PAX5: variants seen among roughly 807,000 people sequenced by gnomAD.
The protein encoded by PAX5 is paired box 5, also known as paired box protein Pax-5.
A neutral mutation model predicts 43.7 loss-of-function variants in PAX5; 9 were observed. The ratio of observed to expected loss-of-function variants is 0.21; its 90% CI spans 0.12 to 0.36. The LOEUF (loss-of-function observed/expected upper bound fraction) is 0.36. PAX5 is among the 10% of genes least tolerant of loss of function. PAX5 has a pLI of 1.00. For synonymous variants in PAX5, 228 were observed against 214.3 expected, an observed-to-expected ratio of 1.06 and a Z score of -0.56; for missense variants, 383 against 532.7, an observed-to-expected ratio of 0.72 and a Z score of 2.77.
At chr9:37,017,248 C>A (rs948338007) in intron 2 of PAX5, among the ~76,000 whole-genome samples, 1 of 152,126 alleles carries the variant, frequency 6.6e-6, no homozygotes. Flanking sequence ...TTATCTTGAT[C>A]CTCACACTAA....
At chr9:36,873,110 C>A (rs1204173786) in intron 8 of PAX5, among the ~76,000 whole-genome samples, 1 of 152,256 alleles carries the variant, frequency 6.6e-6, no homozygotes, top group African/African-American at 2.4e-5. Context: ...AAATGACCTC[C>A]TTTGAGAAGT....
At chr9:36,943,538 A>T (rs920050189) in intron 6 of PAX5, among the ~76,000 whole-genome samples, 19 of 151,674 alleles carry the variant, frequency 1.3e-4, no homozygotes, top group Non-Finnish European at 2.1e-4. Flanking sequence ...ATACACACAC[A>T]CACACACACA....
chr9:36,918,893 G>A (rs1829921970), intron 7 of PAX5, among the ~76,000 whole-genome samples: 2 of 152,198 alleles, frequency 1.3e-5, no homozygotes, highest in African/African-American at 4.8e-5. Flanking sequence ...TAGAAGCTAA[G>A]ATCAAGCTAA....
intron 6 of PAX5, among the ~76,000 whole-genome samples, chr9:36,950,474 A>T (rs1588060363): frequency 6.6e-6 from 1 of 151,284 alleles, no homozygotes; most frequent in South Asian, 2.1e-4. Flanking sequence ...GACACTTGAA[A>T]CCCCTCCTCA....
At chr9:36,972,360 C>T (rs1478533585) in intron 5 of PAX5, among the ~76,000 whole-genome samples, 1 of 152,216 alleles carries the variant, frequency 6.6e-6, no homozygotes, top group Non-Finnish European at 1.5e-5. Context: ...GCTGTGTGGG[C>T]CCAGGCAAGT....
intron 6 of PAX5, among the ~76,000 whole-genome samples, chr9:36,944,074 C>T (rs192615766): frequency 4.4e-4 from 67 of 152,250 alleles, no homozygotes; most frequent in African/African-American, 1.6e-3. Context: ...GTCCCACCTG[C>T]TCAGAAGGCT....
intron 6 of PAX5, among the ~76,000 whole-genome samples, chr9:36,929,430 C>T (rs1016754428): frequency 3.9e-5 from 6 of 152,176 alleles, no homozygotes; most frequent in African/African-American, 1.4e-4. Context: ...TGCAGAGGTA[C>T]ACACGCAGTC....
At chr9:36,965,259 G>C (rs1040407916) in intron 6 of PAX5, among the ~76,000 whole-genome samples, 3 of 152,190 alleles carry the variant, frequency 2.0e-5, no homozygotes, top group African/African-American at 7.2e-5. Flanking sequence ...TCTTCCACAA[G>C]TCTGTAGGCT....
chr9:36,926,863 T>C (rs1830682069), intron 6 of PAX5, among the ~76,000 whole-genome samples: 1 of 152,130 alleles, frequency 6.6e-6, no homozygotes, highest in African/African-American at 2.4e-5. Context: ...AGAAGACACA[T>C]TGGCCCAGAA....
At chr9:37,019,844 C>T (rs1335975066) in intron 2 of PAX5, among the ~76,000 whole-genome samples, 1 of 152,160 alleles carries the variant, frequency 6.6e-6, no homozygotes, top group Non-Finnish European at 1.5e-5. Context: ...GTCTAGGGGT[C>T]CTTTAGGCGT....
chr9:36,956,446 G>C (rs887432688), intron 6 of PAX5, among the ~76,000 whole-genome samples: 1 of 152,186 alleles, frequency 6.6e-6, no homozygotes, highest in Non-Finnish European at 1.5e-5. Context: ...GTTAGAGCTA[G>C]AATGGATCTC....
intron 2 of PAX5, among the ~76,000 whole-genome samples, chr9:37,019,852 C>T (rs569197037): frequency 2.8e-4 from 43 of 152,226 alleles, no homozygotes; most frequent in South Asian, 1.7e-3. Context: ...GTCCTTTAGG[C>T]GTCATTGCAA....
intron 6 of PAX5, among the ~76,000 whole-genome samples, chr9:36,933,840 G>A (rs1831326040): frequency 6.6e-6 from 1 of 152,200 alleles, no homozygotes; most frequent in Admixed American, 6.5e-5. Context: ...GGACTCCCAT[G>A]CAACCAGGGC....
rs1464220458 is a variant in PAX5, at chr9:36,923,463, C to T, written c.802G>A (p.Ala268Thr). 1 of 1,611,496 alleles carries T rather than the reference C, an allele frequency of 6.2e-7. No individual in the cohort carries two copies. ...TCGTCCAGCCCACCAGCCAGCGAGG[C>T]CATGGCTGAATACTCTGTGGTCTGA... ...PEQTTEYSAM[A>T]SLAGGLDDMK... is the part of the protein sequence containing the mutation. The change falls in exon 7 of 10, where the codon GCC (alanine) becomes ACC (threonine). Residue 268 changes from alanine to threonine, a missense_variant. Physicochemically the swap from Ala to Thr is moderately conservative, Grantham distance 58. Coordinates refer to ENST00000358127, the MANE Select transcript of PAX5 (RefSeq NM_016734.3).
Position 36,882,236 on chromosome 9 carries a change from C to T in PAX5, c.911-131G>A, listed in dbSNP as rs79473240. The T allele has an allele frequency of 4.7e-6, 3 of 643,274 alleles. No homozygotes were observed. The highest frequency in any genetic ancestry group is 3.9e-5 in the South Asian group (2 of 51,486). The allele number at this position is 643,274 out of a possible 1,614,324, so 39.8% of individuals were successfully genotyped here. On this transcript the variant is annotated intron_variant, in intron 7 of 9. Coordinates refer to ENST00000358127, the MANE Select transcript of PAX5 (RefSeq NM_016734.3). This position sits in a 1 kb window ranked among gnomAD's most constrained non-coding sequence, Gnocchi z 4.4. The stretch of plus-strand genomic sequence containing the variant: ...AACGGCAATGTGCCCCCAGCTCCCC[C>T]CTGTCGCTCACACGCTCTCACAAAC...
At chr9:37,028,875 C>G (rs375955599) in intron 1 of PAX5, among the ~76,000 whole-genome samples, 38 of 152,354 alleles carry the variant, frequency 2.5e-4, no homozygotes, top group African/African-American at 8.2e-4. Context: ...TCTTGCTACA[C>G]AAGGGATCTT....
intron 8 of PAX5, among the ~76,000 whole-genome samples, chr9:36,855,161 C>T (rs4553001): frequency 9.2e-5 from 14 of 152,246 alleles, no homozygotes; most frequent in Non-Finnish European, 1.8e-4. Context: ...GGCACAGGTC[C>T]GACTCCACCA....
At chr9:36,899,910 A>G (rs1828217955) in intron 7 of PAX5, among the ~76,000 whole-genome samples, 2 of 152,318 alleles carry the variant, frequency 1.3e-5, no homozygotes, top group Admixed American at 1.3e-4. Context: ...GGCCATGTGC[A>G]GATTCCCTTG....
At chr9:36,969,713 G>A (rs567395068) in intron 5 of PAX5, among the ~76,000 whole-genome samples, 45 of 152,268 alleles carry the variant, frequency 3.0e-4, no homozygotes, top group African/African-American at 8.0e-4. Context: ...GCCAGGCGCC[G>A]TGGCTCATGC....
Sources: gnomAD v4.1 joint callset for allele counts (sites outside exome capture counted in the v4.1 genomes callset) on GRCh38, gnomAD v4.1.1 for gene constraint, Gnocchi (gnomAD v3.1) non-coding constraint, MANE v1.5 for transcripts, NCBI Gene and HGNC (gene_info 2026-07-23, HGNC 2026-07-21) for gene names.